ARHGAP32: variants seen among roughly 807,000 people sequenced by gnomAD.
ARHGAP32 encodes rho GTPase-activating protein 32.
In ARHGAP32, 51 loss-of-function variants were observed where a neutral mutation model predicts 186.5. That is an observed-to-expected ratio of 0.27 (90% confidence interval 0.22 to 0.35). The LOEUF (loss-of-function observed/expected upper bound fraction) is 0.35, where lower values mean the gene tolerates loss of function less well. Among genes scored for constraint, ARHGAP32 ranks in the 10% least tolerant of loss-of-function variants. The pLI is 1.00. For synonymous variants in ARHGAP32, 950 were observed against 964.3 expected, an observed-to-expected ratio of 0.99 and a Z score of 0.27; for missense variants, 2,186 against 2,623.5, an observed-to-expected ratio of 0.83 and a Z score of 3.64.
intron 1 of ARHGAP32, among the ~76,000 whole-genome samples, chr11:129,173,269 G>C (rs1162559496): frequency 1.3e-5 from 2 of 149,836 alleles, no homozygotes; most frequent in Middle Eastern, 6.9e-3. Context: ...GGAAGAAGCT[G>C]AATCCCTGAA....
At chr11:129,277,502 T>C (rs886123243) in intron 1 of ARHGAP32, among the ~76,000 whole-genome samples, 1 of 152,186 alleles carries the variant, frequency 6.6e-6, no homozygotes, top group African/African-American at 2.4e-5. Context: ...TATGTTTTTC[T>C]CCCCCACTAC....
chr11:129,039,998 T>C (rs2135017587), intron 11 of ARHGAP32, among the ~76,000 whole-genome samples: 1 of 152,306 alleles, frequency 6.6e-6, no homozygotes. Context: ...GATTCCCTAG[T>C]CTCCTGTGAA....
At chr11:129,106,518 C>A (rs896173906) in intron 5 of ARHGAP32, among the ~76,000 whole-genome samples, 1 of 151,850 alleles carries the variant, frequency 6.6e-6, no homozygotes, top group Non-Finnish European at 1.5e-5. Context: ...CTGGGGACTA[C>A]TAGATAGGGG....
chr11:129,092,728 C>T lies in ARHGAP32; in HGVS notation c.531+893G>A, dbSNP rs1000079123. Among the ~76,000 whole-genome samples the T allele has an allele frequency of 1.6e-4, 25 of 151,966 alleles. 1 individual carries two copies. The highest frequency in any genetic ancestry group is 3.5e-4 in the Non-Finnish European group (24 of 67,860). On this transcript the variant is annotated intron_variant, in intron 6 of 22. Transcript: ENST00000682385. The stretch of plus-strand genomic sequence containing the variant: ...CAACTAAAAACTTCAGTATATCACA[C>T]ACGATGAAAGCATTGGACTTTTTTG...
chr11:129,112,443 T>C (rs1256515523), intron 5 of ARHGAP32, among the ~76,000 whole-genome samples: 2 of 152,160 alleles, frequency 1.3e-5, no homozygotes, highest in African/African-American at 4.8e-5. Context: ...CTGCTAAAAC[T>C]AGAAAGTTTT....
intron 5 of ARHGAP32, among the ~76,000 whole-genome samples, chr11:129,096,383 G>T (rs1250843310): frequency 6.6e-6 from 1 of 152,186 alleles, no homozygotes; most frequent in East Asian, 1.9e-4. Context: ...TGCACTGGCA[G>T]AATCTGTCCG....
In ARHGAP32 at chr11:128,966,353, T is replaced by G. The variant is rs1406430928; in HGVS notation, c.*2554A>C. On this transcript the variant is annotated 3_prime_UTR_variant, in exon 23 of 23. Coordinates refer to ENST00000682385, the MANE Select transcript of ARHGAP32 (RefSeq NM_001378024.1). Reference sequence around the variant, plus strand: ...ACACACAAGGTGGACTGTGCTGAGGTATCCGGCTCACAGTGATTTGCCATC... The same window carrying G: ...ACACACAAGGTGGACTGTGCTGAGGGATCCGGCTCACAGTGATTTGCCATC... 1.3e-5 allele frequency: 2 copies of G among 152,198 alleles called. No individual in the cohort carries two copies. The highest frequency in any genetic ancestry group is 3.9e-4 in the East Asian group (2 of 5,194). 9.4% of individuals were successfully genotyped at this position (152,198 alleles called of 1,614,324 possible). A position where few individuals can be genotyped will look rare whatever the true frequency, so the allele number is the denominator to read the frequency against.
chr11:129,187,732 A>T (rs1377699498), intron 1 of ARHGAP32, among the ~76,000 whole-genome samples: 1 of 152,166 alleles, frequency 6.6e-6, no homozygotes, highest in Non-Finnish European at 1.5e-5. Context: ...TAGGGGCTAA[A>T]CTAAATCCCA....
At chr11:129,130,719 T>C (rs1942790588) in intron 2 of ARHGAP32, among the ~76,000 whole-genome samples, 1 of 152,190 alleles carries the variant, frequency 6.6e-6, no homozygotes, top group African/African-American at 2.4e-5. Flanking sequence ...GGTACCAGTG[T>C]TGGCAAAGAT....
chr11:129,192,454 CA>C (rs1240158875), upstream of ARHGAP32, among the ~76,000 whole-genome samples: 1 of 152,150 alleles, frequency 6.6e-6, no homozygotes, highest in Non-Finnish European at 1.5e-5. Context: ...TAACCAAAAG[CA>C]GAATCTAAAT....
chr11:129,214,567 G>A (rs922575684), intron 1 of ARHGAP32, among the ~76,000 whole-genome samples: 4 of 152,176 alleles, frequency 2.6e-5, no homozygotes, highest in African/African-American at 9.7e-5. Context: ...AGGGCTTCCA[G>A]GAAGGTGTCT....
At chr11:128,972,375 T>C in intron 22 of ARHGAP32, 78 bp downstream of exon 22, 2 of 1,440,232 alleles carry the variant, frequency 1.4e-6, no homozygotes. Context: ...GACTCAAAGA[T>C]AACAACACAC....
intron 1 of ARHGAP32, among the ~76,000 whole-genome samples, chr11:129,213,710 A>G (rs994249026): frequency 1.3e-5 from 2 of 152,098 alleles, no homozygotes; most frequent in African/African-American, 4.8e-5. Context: ...ATAGTGCAAC[A>G]TTTTCATAAT....
Position 128,974,706 on chromosome 11 carries a change from A to G in ARHGAP32, c.2491T>C (p.Ser831Pro). The stretch of plus-strand genomic sequence containing the variant: ...GAGTATCCTGGTGAATCTAAAAAGG[A>G]AGCACCACTCTCCAGACATTCTGAT... The part of the protein sequence containing the change: ...AESECLESGA[S>P]FLDSPGYSKD... Residue 831 changes from serine to proline, a missense_variant, in exon 21 of 23, where the codon TCC (serine) becomes CCC (proline). Physicochemically the swap from Ser to Pro is moderately conservative, Grantham distance 74. Around this residue, in one of 5 missense-constraint regions of ARHGAP32, gnomAD observed 263 missense variants for 323.5 expected, o/e 0.81. Transcript: ENST00000682385. 2.5e-6 allele frequency: 4 copies of G among 1,614,180 alleles called. 1 individual carries two copies. The highest frequency in any genetic ancestry group is 3.4e-6 in the Non-Finnish European group (4 of 1,180,038).
At chr11:129,269,826 A>G (rs1450828754) in intron 1 of ARHGAP32, among the ~76,000 whole-genome samples, 1 of 152,162 alleles carries the variant, frequency 6.6e-6, no homozygotes, top group Non-Finnish European at 1.5e-5. Flanking sequence ...TATACCACAC[A>G]CCCATAAGTA....
At chr11:129,117,811 G>T (rs1374695399) in intron 5 of ARHGAP32, among the ~76,000 whole-genome samples, 1 of 151,452 alleles carries the variant, frequency 6.6e-6, no homozygotes, top group African/African-American at 2.4e-5. Flanking sequence ...AGCACAGCAG[G>T]AACAGCGCTG....
At chr11:129,061,139 T>C (rs1385816933) in intron 10 of ARHGAP32, among the ~76,000 whole-genome samples, 1 of 152,214 alleles carries the variant, frequency 6.6e-6, no homozygotes, top group Non-Finnish European at 1.5e-5. Flanking sequence ...ATTTATACAA[T>C]GCTTATCAAA....
intron 6 of ARHGAP32, among the ~76,000 whole-genome samples, chr11:129,086,554 G>A (rs571172279): frequency 2.0e-5 from 3 of 152,312 alleles, no homozygotes; most frequent in South Asian, 2.1e-4. Flanking sequence ...GGGCATGGTG[G>A]CTCACGCCTG....
At chr11:129,273,412 G>T (rs1945494622) in intron 1 of ARHGAP32, among the ~76,000 whole-genome samples, 1 of 152,150 alleles carries the variant, frequency 6.6e-6, no homozygotes, top group Non-Finnish European at 1.5e-5. Flanking sequence ...AAGAAGGAAG[G>T]TCTGTCAGAT....
Sources: allele counts gnomAD v4.1 joint callset (sites outside exome capture counted in the v4.1 genomes callset), GRCh38; gene constraint gnomAD v4.1.1; regional missense constraint gnomAD v4.1.1; transcripts MANE v1.5; gene names NCBI Gene and HGNC (gene_info 2026-07-23, HGNC 2026-07-21).